The following FGFR2 variants were observed in gnomAD, a reference collection of about 807,000 sequenced individuals.
FGFR2 encodes the protein fibroblast growth factor receptor 2.
Under a neutral mutation model 95.9 loss-of-function variants are expected in FGFR2, and 19 were observed. The observed-to-expected ratio is 0.20, with a 90% confidence interval of 0.14 to 0.29. FGFR2 has a LOEUF of 0.29. FGFR2 is among the 10% of genes least tolerant of loss of function. The pLI, the probability that FGFR2 is intolerant of heterozygous loss-of-function variation, is 1.00. For synonymous variants in FGFR2, 392 were observed against 393.3 expected, an observed-to-expected ratio of 1.00 and a Z score of 0.04; for missense variants, 707 against 1,056.9, an observed-to-expected ratio of 0.67 and a Z score of 4.59.
At chr10:121,487,574 T>C (rs916258356) in intron 14 of FGFR2, 150 bp from the exon 15 acceptor site, 19 of 712,834 alleles carry the variant, frequency 2.7e-5, no homozygotes, top group African/African-American at 8.9e-5. Flanking sequence ...ATGAGGACCA[T>C]GAACAATGTG....
At position 121,531,926 on chromosome 10, in the gene FGFR2, C is replaced by T. The variant is rs1852128129; in HGVS notation, c.748+6666G>A. Among the ~76,000 whole-genome samples, 1 of 152,278 alleles carries T rather than the reference C, an allele frequency of 6.6e-6. No individual in the cohort carries two copies. The highest frequency in any genetic ancestry group is 2.4e-5 in the African/African-American group (1 of 41,556). On this transcript the variant is annotated intron_variant, in intron 6 of 17. Transcript: ENST00000358487. This position sits in a 1 kb window ranked among gnomAD's most constrained non-coding sequence, Gnocchi z 4.5. ...TTCCTCCTCAACTCCGCTCCGGTTC[C>T]GTGATCTGTCAACTAAATAAGCCCA...
At chr10:121,587,244 CA>C (rs1433714670) in intron 2 of FGFR2, among the ~76,000 whole-genome samples, 1 of 152,100 alleles carries the variant, frequency 6.6e-6, no homozygotes, top group Non-Finnish European at 1.5e-5. Flanking sequence ...ATACCATATA[CA>C]AAAAATCACC....
At chr10:121,488,235 G>A (rs1356753767) in intron 13 of FGFR2, 122 bp from the exon 14 acceptor site, 22 of 1,370,834 alleles carry the variant, frequency 1.6e-5, no homozygotes, top group South Asian at 7.2e-5. Flanking sequence ...AACCAGTTGC[G>A]GTATACTATA....
chr10:121,536,962 A>G (rs1354399410), intron 6 of FGFR2, among the ~76,000 whole-genome samples: 3 of 152,244 alleles, frequency 2.0e-5, no homozygotes, highest in African/African-American at 7.2e-5. Flanking sequence ...CATTCGGTAC[A>G]CACAGGAACC....
chr10:121,586,948 A>C (rs1861918387), intron 2 of FGFR2, among the ~76,000 whole-genome samples: 1 of 152,208 alleles, frequency 6.6e-6, no homozygotes, highest in Non-Finnish European at 1.5e-5. Flanking sequence ...GGCAATCCTA[A>C]GCAAAAATAA....
intron 11 of FGFR2, among the ~76,000 whole-genome samples, chr10:121,500,233 T>A (rs1564882500): frequency 6.6e-6 from 1 of 152,222 alleles, no homozygotes; most frequent in Non-Finnish European, 1.5e-5. Context: ...GTGTTCACAG[T>A]CCCACAAACA....
intron 6 of FGFR2, among the ~76,000 whole-genome samples, 154 bp from the exon 7 acceptor site, chr10:121,520,323 A>G (rs1467637645): frequency 6.6e-6 from 1 of 152,252 alleles, no homozygotes; most frequent in South Asian, 2.1e-4. Flanking sequence ...GGCCCCATGA[A>G]TAACAGAAAC....
intron 5 of FGFR2, among the ~76,000 whole-genome samples, chr10:121,547,472 G>A (rs1854696400): frequency 6.7e-6 from 1 of 148,740 alleles, no homozygotes; most frequent in South Asian, 2.1e-4. Flanking sequence ...ACAGCTCCCT[G>A]CAGCCCCAAA....
At chr10:121,570,455 G>C (rs899928027) in intron 2 of FGFR2, among the ~76,000 whole-genome samples, 1 of 152,322 alleles carries the variant, frequency 6.6e-6, no homozygotes, top group East Asian at 1.9e-4. Flanking sequence ...ACTCCACCAG[G>C]CTGCACAGCC....
intron 6 of FGFR2, among the ~76,000 whole-genome samples, chr10:121,520,640 A>G (rs916283133): frequency 1.4e-4 from 22 of 152,048 alleles, no homozygotes; most frequent in African/African-American, 4.1e-4. Flanking sequence ...ATGTCTCCCA[A>G]TACATTTTTT....
rs2135123465 is a variant in FGFR2, at chr10:121,565,672, C to G, written c.142G>C (p.Glu48Gln). The change falls in exon 3 of 18, where the codon GAA becomes CAA. Residue 48 changes from glutamate (E) to glutamine (Q), a missense_variant. Glu to Gln is a conservative substitution (Grantham distance 29). Transcript: ENST00000358487. ...TCCCCTGGCGCAGCCACGTACACTT[C>G]TGGTTGAGAGATTTGGTATTTGGTT... ...PPTKYQISQPEVYVAAPGESL... is the reference protein window; with the variant it reads ...PPTKYQISQPQVYVAAPGESL... 1 of 1,614,190 alleles carries G rather than the reference C, an allele frequency of 6.2e-7. No individual in the cohort carries two copies. The highest frequency in any genetic ancestry group is 1.1e-5 in the South Asian group (1 of 91,082).
At chr10:121,593,312 T>C (rs1400429457) in intron 2 of FGFR2, among the ~76,000 whole-genome samples, 1 of 152,260 alleles carries the variant, frequency 6.6e-6, no homozygotes, top group Non-Finnish European at 1.5e-5. Context: ...CAATTTCTTT[T>C]AGTGGTTCAT....
At chr10:121,582,198 G>A (rs1861045949) in intron 2 of FGFR2, among the ~76,000 whole-genome samples, 1 of 151,986 alleles carries the variant, frequency 6.6e-6, no homozygotes, top group African/African-American at 2.4e-5. Context: ...TCAAAGTGCT[G>A]GGATTACAGG....
intron 2 of FGFR2, among the ~76,000 whole-genome samples, chr10:121,577,178 T>TATAGAG: frequency 7.7e-4 from 4 of 5,212 alleles, no homozygotes; most frequent in Non-Finnish European, 1.0e-3. Flanking sequence ...TATATATATA[T>TATAGAG]AGAGAGAGAG....
chr10:121,490,578 C>T (rs944005922), intron 13 of FGFR2, among the ~76,000 whole-genome samples: 1 of 152,150 alleles, frequency 6.6e-6, no homozygotes, highest in African/African-American at 2.4e-5. Context: ...CCAATCATCA[C>T]CTTCTATTTT....
Position 121,485,955 on chromosome 10 carries a change from T to C in FGFR2, c.2058-423A>G, listed in dbSNP as rs41294221. The stretch of plus-strand genomic sequence containing the variant: ...ACTCCGCAGGATCACAGCTGCCCTG[T>C]GTGGCTGGCGGAACATCTGCTGCAC... On this transcript the variant is annotated intron_variant, in intron 15 of 17. Transcript: ENST00000358487. This position sits in a 1 kb window ranked among gnomAD's most constrained non-coding sequence, Gnocchi z 4.2. Among the ~76,000 whole-genome samples, 59 of 152,332 alleles carry C rather than the reference T, an allele frequency of 3.9e-4. No homozygotes were observed. The highest frequency in any genetic ancestry group is 1.3e-3 in the African/African-American group (55 of 41,580).
At chr10:121,489,198 G>A (rs1363055873) in intron 13 of FGFR2, among the ~76,000 whole-genome samples, 2 of 151,976 alleles carry the variant, frequency 1.3e-5, no homozygotes, top group Admixed American at 1.3e-4. Context: ...TCAGCCTCCC[G>A]AGTAGCTGAG....
intron 5 of FGFR2, among the ~76,000 whole-genome samples, chr10:121,541,036 T>C (rs993761444): frequency 6.6e-6 from 1 of 152,318 alleles, no homozygotes; most frequent in Admixed American, 6.5e-5. Context: ...ACTGGGGCCA[T>C]GGCATTCCAT....
At position 121,479,152 on chromosome 10, in the gene FGFR2, AC is replaced by A. The variant is rs1313871018; in HGVS notation, c.*704del. 1 of 232,758 alleles carries A rather than the reference AC, an allele frequency of 4.3e-6. No individual in the cohort carries two copies. Among genetic ancestry groups the A allele is most frequent in the African/African-American group, 2.2e-5 (1 of 45,338 alleles). The allele number at this position is 232,758 out of a possible 1,614,324, so 14.4% of individuals were successfully genotyped here. ...CTAGTTAAGTCCAAGCAATAGATTA[AC>A]TAGTCTGCTGTGCTGCCTGCATAGA... On this transcript the variant is annotated 3_prime_UTR_variant, in exon 18 of 18. Coordinates refer to ENST00000358487, the MANE Select transcript of FGFR2 (RefSeq NM_000141.5).
Sources: allele counts gnomAD v4.1 joint callset (sites outside exome capture counted in the v4.1 genomes callset), GRCh38; gene constraint gnomAD v4.1.1; non-coding constraint Gnocchi (gnomAD v3.1); transcripts MANE v1.5; gene names NCBI Gene and HGNC (gene_info 2026-07-23, HGNC 2026-07-21).